The following GGCX variants were observed in gnomAD, a reference collection of about 807,000 sequenced individuals.
The protein encoded by GGCX is gamma-glutamyl carboxylase, also known as vitamin K-dependent gamma-carboxylase.
In GGCX, 63 loss-of-function variants were observed where a neutral mutation model predicts 88.5. The ratio of observed to expected loss-of-function variants is 0.71; its 90% CI spans 0.58 to 0.88. The LOEUF is 0.88. GGCX is among the 40% of genes least tolerant of loss of function. GGCX has a pLI of 0.00. For synonymous variants in GGCX, 368 were observed against 365.8 expected (o/e 1.01, Z -0.07); for missense variants, 805 against 932.9 (o/e 0.86, Z 1.79).
At position 85,553,006 on chromosome 2, in the gene GGCX, G is replaced by A; in HGVS notation, c.1220C>T (p.Ser407Phe). The part of the protein sequence containing the change: ...YSWDMMVHSR[S>F]HQHVKITYRD... ...GTAGGTGATCTTCACGTGCTGGTGG[G>A]AGCGGGAGTGCACCATCATGTCCCA... The change falls in exon 9 of 15, where the codon TCC (serine) becomes TTC (phenylalanine). Residue 407 changes from serine (S) to phenylalanine (F), a missense_variant. Ser to Phe is a radical substitution (Grantham distance 155). Coordinates refer to ENST00000233838, the MANE Select transcript of GGCX (RefSeq NM_000821.7). 6.2e-7 allele frequency: 1 copy of A among 1,614,014 alleles called. No homozygotes were observed. Among genetic ancestry groups the A allele is most frequent in the Non-Finnish European group, 8.5e-7 (1 of 1,179,852 alleles).
chr2:85,554,133 A>G lies in GGCX; in HGVS notation c.889+10T>C. On this transcript the variant is annotated intron_variant, in intron 7 of 14. Transcript: ENST00000233838. ...TGGTTCCTGTTTCCTCCCAGGCTACAGGTACTGACCAATGCTGAAAAGCTG... is the reference window on the plus strand; with the variant it reads ...TGGTTCCTGTTTCCTCCCAGGCTACGGGTACTGACCAATGCTGAAAAGCTG... The G allele has an allele frequency of 2.5e-6, 4 of 1,606,842 alleles. No homozygotes were observed. Among genetic ancestry groups the G allele is most frequent in the Middle Eastern group, 1.7e-4 (1 of 6,052 alleles).
rs772998169 is a variant in GGCX, at chr2:85,550,910, T to A, written c.1888+15A>T. 1.1e-5 allele frequency: 18 copies of A among 1,613,792 alleles called. No homozygotes were observed. The highest frequency in any genetic ancestry group is 1.4e-5 in the Non-Finnish European group (17 of 1,179,720). On this transcript the variant is annotated intron_variant, in intron 13 of 14. Coordinates refer to ENST00000233838, the MANE Select transcript of GGCX (RefSeq NM_000821.7). ...AAACCAGAGGCTATCTCAGCCCAAATGTTCATACACTCACCACTTCCATTC... is the reference window on the plus strand; with the variant it reads ...AAACCAGAGGCTATCTCAGCCCAAAAGTTCATACACTCACCACTTCCATTC...
At chr2:85,561,085 G>C in intron 1 of GGCX, 100 bp from the exon 2 acceptor site, 1 of 1,082,894 alleles carries the variant, frequency 9.2e-7, no homozygotes, top group Non-Finnish European at 1.4e-6. Context: ...GCCCACCCGG[G>C]TCGGCTCAAT....
chr2:85,561,471 A>T lies in GGCX; in HGVS notation c.-43T>A, dbSNP rs942943842. 2.0e-6 allele frequency: 3 copies of T among 1,467,276 alleles called. No individual in the cohort carries two copies. The Admixed American group carries it at 6.0e-5, about 29-fold the overall frequency. The allele number at this position is 1,467,276 out of a possible 1,614,324, so 90.9% of individuals were successfully genotyped here. ...AGGTGGGTCACAGCTGCCGCGTCTGAACGGAGGCCGCCAGGAGAATTTGCT... is the reference window on the plus strand; with the variant it reads ...AGGTGGGTCACAGCTGCCGCGTCTGTACGGAGGCCGCCAGGAGAATTTGCT... On this transcript the variant is annotated 5_prime_UTR_variant, in exon 1 of 15. Coordinates refer to ENST00000233838, the MANE Select transcript of GGCX (RefSeq NM_000821.7).
In GGCX at chr2:85,550,985, C is replaced by G; in HGVS notation, c.1828G>C (p.Ala610Pro). 6.2e-7 allele frequency: 1 copy of G among 1,613,996 alleles called. No individual in the cohort carries two copies. Among genetic ancestry groups the G allele is most frequent in the Non-Finnish European group, 8.5e-7 (1 of 1,179,844 alleles). ...MYVYVNTTELALEQDLAYLQE... is the reference protein window; with the variant it reads ...MYVYVNTTELPLEQDLAYLQE... ...AGATATGCCAGGTCTTGCTCCAGTG[C>G]AAGCTCTGTAGTGTTGACATAGACG... is the stretch of plus-strand genomic sequence containing the variant. The change falls in exon 13 of 15, where the codon GCA (alanine) becomes CCA (proline). Residue 610 changes from alanine (A) to proline (P), a missense_variant. By Grantham distance (27) the Ala-to-Pro change is conservative. Transcript: ENST00000233838.
intron 2 of GGCX, among the ~76,000 whole-genome samples, chr2:85,559,371 T>G (rs1692339240): frequency 6.6e-6 from 1 of 152,112 alleles, no homozygotes; most frequent in South Asian, 2.1e-4. Flanking sequence ...CTATAAAAAC[T>G]GTTAGGGTCT....
chr2:85,560,619 G>C (rs1485397877), intron 2 of GGCX, among the ~76,000 whole-genome samples, 196 bp downstream of exon 2: 2 of 150,438 alleles, frequency 1.3e-5, no homozygotes, highest in East Asian at 3.9e-4. Context: ...AAAAAAAAAA[G>C]CATTTCTGGC....
chr2:85,546,395 C>G lies in GGCX; in HGVS notation c.*3539G>C, dbSNP rs1691666925. 6.6e-6 allele frequency: 1 copy of G among 151,658 alleles called. No homozygotes were observed. The highest frequency in any genetic ancestry group is 2.4e-5 in the African/African-American group (1 of 41,148). 9.4% of individuals were successfully genotyped at this position (151,658 alleles called of 1,614,324 possible). On this transcript the variant is annotated 3_prime_UTR_variant, in exon 15 of 15. Transcript: ENST00000233838. ...CTGAAATCGTGCCACCACACTCCGGCCAGGGTAACAGAGTGAGACTTAAAA... is the reference window on the plus strand; with the variant it reads ...CTGAAATCGTGCCACCACACTCCGGGCAGGGTAACAGAGTGAGACTTAAAA...
At chr2:85,555,199 G>A (rs1490110770) in intron 6 of GGCX, 2 of 361,102 alleles carry the variant, frequency 5.5e-6, no homozygotes, top group African/African-American at 2.1e-5. Flanking sequence ...GGCAGCTGCT[G>A]AGGGCACTGG....
Position 85,553,010 on chromosome 2 carries a change from G to A in GGCX, c.1216C>T (p.Arg406Cys), listed in dbSNP as rs746786420. Reference sequence around the variant, plus strand: ...GTGATCTTCACGTGCTGGTGGGAGCGGGAGTGCACCATCATGTCCCAGGAA... The same window carrying A: ...GTGATCTTCACGTGCTGGTGGGAGCAGGAGTGCACCATCATGTCCCAGGAA... ...GYSWDMMVHS[R>C]SHQHVKITYR... Residue 406 changes from arginine to cysteine, a missense_variant, in exon 9 of 15, where the codon CGC becomes TGC. By Grantham distance (180) the Arg-to-Cys change is radical (BLOSUM62 -3). This residue lies in a region of GGCX where 680 missense variants were observed against 763.7 expected (regional missense o/e 0.89). Transcript: ENST00000233838. 1.5e-5 allele frequency: 24 copies of A among 1,613,802 alleles called. No individual in the cohort carries two copies. The highest frequency in any genetic ancestry group is 2.7e-5 in the African/African-American group (2 of 74,910).
At position 85,560,974 on chromosome 2, in the gene GGCX, TC is replaced by T. The variant is rs758710675; in HGVS notation, c.54del (p.Asp20ThrfsTer5). 4 of 1,613,392 alleles carry T rather than the reference TC, an allele frequency of 2.5e-6. No homozygotes were observed. In the African/African-American group the frequency reaches 5.3e-5, roughly 22 times the overall value. On this transcript the variant is annotated frameshift_variant, in exon 2 of 15. Coordinates refer to ENST00000233838, the MANE Select transcript of GGCX (RefSeq NM_000821.7). LOFTEE classifies it high-confidence loss of function. ...ARTSPSSDKV[Q>X]KDKAELISGP... Reference sequence around the variant, plus strand: ...CCTGAGATCAGTTCAGCCTTGTCTTTCTGTACTTTATCTGCAATCAATAAAT... The same window carrying T: ...CCTGAGATCAGTTCAGCCTTGTCTTTTGTACTTTATCTGCAATCAATAAAT...
chr2:85,555,523 A>T lies in GGCX; in HGVS notation c.686T>A (p.Met229Lys), dbSNP rs1692173257. 6.2e-7 allele frequency: 1 copy of T among 1,606,470 alleles called. No homozygotes were observed. The highest frequency in any genetic ancestry group is 8.5e-7 in the Non-Finnish European group (1 of 1,172,980). ...LDADWVEGYS[M>K]EYLSRHWLFS... is the part of the protein sequence containing the mutation. ...GAGCCAGTGCCGGGACAAATATTCC[A>T]TGGAATAGCCTTCAACCCAGTCTGC... Residue 229 changes from methionine (M) to lysine (K), a missense_variant, in exon 6 of 15, where the codon ATG becomes AAG. This residue lies in a region of GGCX where 680 missense variants were observed against 763.7 expected (regional missense o/e 0.89). Transcript: ENST00000233838.
intron 6 of GGCX, chr2:85,555,189 G>T (rs1558809934): frequency 2.8e-6 from 1 of 350,882 alleles, no homozygotes; most frequent in Non-Finnish European, 5.5e-6. Flanking sequence ...CACCATCCAA[G>T]GCAGCTGCTG....
chr2:85,550,134 A>T lies in GGCX; in HGVS notation c.2085-8T>A. 6.2e-7 allele frequency: 1 copy of T among 1,611,786 alleles called. No individual in the cohort carries two copies. The highest frequency in any genetic ancestry group is 8.5e-7 in the Non-Finnish European group (1 of 1,177,926). ...ATACAAGTCATCAGGAAGCTGAAAA[A>T]CAGGAAAAAGCCGACCAAGTTCAAA... On this transcript the variant is annotated splice_region_variant and splice_polypyrimidine_tract_variant and intron_variant, in intron 14 of 14. Transcript: ENST00000233838.
Position 85,561,191 on chromosome 2 carries a change from C to A in GGCX, c.43+195G>T, listed in dbSNP as rs546537974. On this transcript the variant is annotated intron_variant, in intron 1 of 14. Coordinates refer to ENST00000233838, the MANE Select transcript of GGCX (RefSeq NM_000821.7). ...GTCCCAGAACCCCTCAGACTACAGT[C>A]CCCTAACCGCAGTGTTCCCGAATGT... Among the ~76,000 whole-genome samples, 276 of 152,350 alleles carry A rather than the reference C, an allele frequency of 1.8e-3. 2 individuals carry two copies. Among genetic ancestry groups the A allele is most frequent in the African/African-American group, 6.3e-3 (263 of 41,580 alleles).
At chr2:85,552,300 A>G (rs1691997076) in intron 10 of GGCX, 116 bp downstream of exon 10, 3 of 1,015,202 alleles carry the variant, frequency 3.0e-6, no homozygotes, top group East Asian at 2.4e-5. Flanking sequence ...CAAGGGGGAC[A>G]TGCACTAGAG....
intron 4 of GGCX, among the ~76,000 whole-genome samples, chr2:85,557,362 C>T (rs1319371414): frequency 6.6e-6 from 1 of 152,064 alleles, no homozygotes; most frequent in Non-Finnish European, 1.5e-5. Context: ...TGGCACACAC[C>T]TGTTGTTCCA....
chr2:85,560,723 G>A, intron 2 of GGCX, 92 bp downstream of exon 2: 9 of 988,080 alleles, frequency 9.1e-6, no homozygotes, highest in East Asian at 2.4e-5. Flanking sequence ...CAGCTCTGAG[G>A]AAAAGGGAGC....
chr2:85,549,930 C>T lies in GGCX; in HGVS notation c.*4G>A. The T allele has an allele frequency of 6.2e-7, 1 of 1,603,358 alleles. No homozygotes were observed. The highest frequency in any genetic ancestry group is 2.2e-5 in the East Asian group (1 of 44,826). ...CTACATCTGCACCCAACATCTGGCCCCCTTCAGAACTCTGAGTGGACAGGA... is the reference window on the plus strand; with the variant it reads ...CTACATCTGCACCCAACATCTGGCCTCCTTCAGAACTCTGAGTGGACAGGA... On this transcript the variant is annotated 3_prime_UTR_variant, in exon 15 of 15. Transcript: ENST00000233838.
Sources: gnomAD v4.1 joint callset for allele counts (sites outside exome capture counted in the v4.1 genomes callset) on GRCh38, gnomAD v4.1.1 for gene constraint, gnomAD v4.1.1 regional missense constraint, MANE v1.5 for transcripts, NCBI Gene and HGNC (gene_info 2026-07-23, HGNC 2026-07-21) for gene names.